SMARCB1: variants seen among roughly 807,000 people sequenced by gnomAD.
SMARCB1 encodes the protein SWI/SNF related BAF chromatin remodeling complex subunit B1.
A neutral mutation model predicts 49.0 loss-of-function variants in SMARCB1; 5 were observed. The observed-to-expected ratio is 0.10, with a 90% CI of 0.05 to 0.21. SMARCB1 has a LOEUF of 0.21. SMARCB1 is among the 10% of genes least tolerant of loss of function. The pLI is 1.00. For missense variants in SMARCB1, 226 were observed against 509.2 expected, an observed-to-expected ratio of 0.44 and a Z score of 5.35; for synonymous variants, 201 against 200.1, an observed-to-expected ratio of 1.00 and a Z score of -0.04.
At chr22:23,831,910 G>A (rs545725137) in intron 7 of SMARCB1, among the ~76,000 whole-genome samples, 1 of 152,252 alleles carries the variant, frequency 6.6e-6, no homozygotes, top group East Asian at 1.9e-4. Context: ...AGAGGGTGGG[G>A]GTGCCGACAT....
rs575574037 is a variant in SMARCB1 at position 23,830,748 on chromosome 22, G to A, written c.987-2824G>A. Among the ~76,000 whole-genome samples the A allele has an allele frequency of 3.6e-5, 5 of 139,030 alleles. No homozygotes were observed. The East Asian group carries it at 7.0e-4, about 20-fold the overall frequency. The allele number at this position is 139,030 out of a possible 152,430, so 91.2% of individuals were successfully genotyped here. ...GTGATCTTGGCTCACTGCATCCTCC[G>A]CCTCCTGAGTTCAAGTGATTCTCCT... On this transcript the variant is annotated intron_variant, in intron 7 of 8. Transcript: ENST00000644036.
rs181228678 is a variant in SMARCB1 at position 23,806,096 on chromosome 22, G to A, written c.628+2674G>A. 1.4e-4 allele frequency among the ~76,000 whole-genome samples: 22 copies of A among 152,374 alleles called. No individual in the cohort carries two copies. In the East Asian group the frequency reaches 4.0e-3, roughly 28 times the overall value. On this transcript the variant is annotated intron_variant, in intron 5 of 8. Coordinates refer to ENST00000644036, the MANE Select transcript of SMARCB1 (RefSeq NM_003073.5). ...TTTTATTTGGTGAACATTGCTGGGA[G>A]TTGGGCGTGGCTCTGGGCCTTTTTA...
At chr22:23,815,179 T>C (rs1159779858) in intron 5 of SMARCB1, 1 of 152,166 alleles carries the variant, frequency 6.6e-6, no homozygotes, top group Non-Finnish European at 1.5e-5. Context: ...CACAAGCTGC[T>C]GATGGGAATG....
At chr22:23,804,624 A>G (rs1450165982) in intron 5 of SMARCB1, among the ~76,000 whole-genome samples, 2 of 152,094 alleles carry the variant, frequency 1.3e-5, no homozygotes, top group East Asian at 3.8e-4. Context: ...GCTCACTGCA[A>G]CCTCCGCCTC....
At chr22:23,830,726 A>G (rs2030614708) in intron 7 of SMARCB1, among the ~76,000 whole-genome samples, 1 of 128,532 alleles carries the variant, frequency 7.8e-6, no homozygotes, top group African/African-American at 3.2e-5. Context: ...TAGTGCTGTG[A>G]TCTTGGCTCA....
At chr22:23,813,932 C>A (rs573990099) in intron 5 of SMARCB1, among the ~76,000 whole-genome samples, 1 of 152,114 alleles carries the variant, frequency 6.6e-6, no homozygotes, top group Non-Finnish European at 1.5e-5. Flanking sequence ...CGGTTTCAAG[C>A]GTTTCTCCTG....
Position 23,834,769 on chromosome 22 carries a change from G to T in SMARCB1, c.*589G>T. ...CTGAGAAGAGTAGCTGTGAGGCTCA[G>T]GGCAAGAGGCTCTCTGCCTTTCAGG... On this transcript the variant is annotated 3_prime_UTR_variant, in exon 9 of 9. Coordinates refer to ENST00000644036, the MANE Select transcript of SMARCB1 (RefSeq NM_003073.5). 1 of 1,423,606 alleles carries T rather than the reference G, an allele frequency of 7.0e-7. No homozygotes were observed. Among genetic ancestry groups the T allele is most frequent in the Non-Finnish European group, 9.2e-7 (1 of 1,087,986 alleles). 88.2% of individuals were successfully genotyped at this position (1,423,606 alleles called of 1,614,324 possible).
At chr22:23,832,607 G>A (rs2030712581) in intron 7 of SMARCB1, among the ~76,000 whole-genome samples, 1 of 152,214 alleles carries the variant, frequency 6.6e-6, no homozygotes, top group Admixed American at 6.5e-5. Flanking sequence ...TGCCAAGCCA[G>A]GGGTCTGGTG....
At chr22:23,830,223 G>T (rs1197717353) in intron 7 of SMARCB1, among the ~76,000 whole-genome samples, 1 of 152,202 alleles carries the variant, frequency 6.6e-6, no homozygotes, top group African/African-American at 2.4e-5. Context: ...GCATTTTGAA[G>T]AATTTCTAGA....
chr22:23,801,245 A>G (rs1371048286), intron 4 of SMARCB1, 164 bp downstream of exon 4: 2 of 1,006,476 alleles, frequency 2.0e-6, no homozygotes, highest in East Asian at 5.2e-5. Context: ...CCTGACTTCC[A>G]GGACATTGTC....
intron 6 of SMARCB1, chr22:23,823,124 CT>C (rs1156421932): frequency 6.6e-6 from 1 of 152,124 alleles, no homozygotes; most frequent in Admixed American, 6.6e-5. Flanking sequence ...TCAGAACAGC[CT>C]TTTGAATGTT....
intron 5 of SMARCB1, among the ~76,000 whole-genome samples, chr22:23,805,166 C>T (rs574545174): frequency 1.0e-3 from 157 of 152,310 alleles, no homozygotes; most frequent in African/African-American, 3.6e-3. Context: ...GAGAAGAAGG[C>T]CTGAGAGCCA....
At chr22:23,801,874 T>G (rs973217586) in intron 4 of SMARCB1, 1 of 170,864 alleles carries the variant, frequency 5.9e-6, no homozygotes, top group Admixed American at 5.4e-5. Context: ...GGCCCAGACT[T>G]CCTCAGCTGC....
At chr22:23,832,073 C>T (rs1489153589) in intron 7 of SMARCB1, among the ~76,000 whole-genome samples, 1 of 152,172 alleles carries the variant, frequency 6.6e-6, no homozygotes, top group Non-Finnish European at 1.5e-5. Context: ...GCCCACAGTC[C>T]CTGAGACCCC....
intron 1 of SMARCB1, among the ~76,000 whole-genome samples, chr22:23,791,326 A>G (rs771499470): frequency 3.3e-5 from 5 of 152,178 alleles, no homozygotes; most frequent in Admixed American, 3.3e-4. Context: ...CATGGGGGAA[A>G]TTATCTGGCA....
Position 23,837,130 on chromosome 22 carries a change from T to C in SMARCB1, c.*2950T>C. ...GTTGGGGAAGACGTCCTCCAGGAAG[T>C]AGTAGATATGGCCCACCGCAATCCC... On this transcript the variant is annotated 3_prime_UTR_variant, in exon 9 of 9. Coordinates refer to ENST00000644036, the MANE Select transcript of SMARCB1 (RefSeq NM_003073.5). The C allele has an allele frequency of 6.2e-7, 1 of 1,613,702 alleles. No individual in the cohort carries two copies.
Position 23,834,880 on chromosome 22 carries a change from G to C in SMARCB1, c.*700G>C. 6.2e-7 allele frequency: 1 copy of C among 1,612,538 alleles called. No homozygotes were observed. On this transcript the variant is annotated 3_prime_UTR_variant, in exon 9 of 9. Transcript: ENST00000644036. ...GTCCCTGGGCCGCCCTGGCTCTGCT[G>C]TGTCCAGATGGTCAGGCTACTGCCA...
At chr22:23,833,315 C>G (rs1355243572) in intron 7 of SMARCB1, among the ~76,000 whole-genome samples, 4 of 152,222 alleles carry the variant, frequency 2.6e-5, no homozygotes, top group Non-Finnish European at 4.4e-5. Context: ...ATCTCAGAGA[C>G]AGAGAGACGC....
intron 4 of SMARCB1, chr22:23,802,955 G>A (rs1220862194): frequency 4.9e-6 from 2 of 406,038 alleles, no homozygotes; most frequent in East Asian, 1.1e-4. Context: ...TTCCTCTTCT[G>A]GAAATGCCCT....
Sources: allele counts gnomAD v4.1 joint callset (sites outside exome capture counted in the v4.1 genomes callset), GRCh38; gene constraint gnomAD v4.1.1; transcripts MANE v1.5; gene names NCBI Gene and HGNC (gene_info 2026-07-23, HGNC 2026-07-21).